Variants in NELL2 observed in about 807,000 individuals in gnomAD.
NELL2 encodes the protein neural EGFL like 2.
NELL2 carries 41 observed loss-of-function variants against 109.6 expected under a neutral mutation model. The observed-to-expected ratio is 0.37, with a 90% CI of 0.29 to 0.49. NELL2 has a LOEUF of 0.49. NELL2 is among the 20% of genes least tolerant of loss of function. The pLI is 0.98. For synonymous variants in NELL2, 355 were observed against 344.7 expected (o/e 1.03, Z -0.33); for missense variants, 900 against 1,008.3 (o/e 0.89, Z 1.45).
chr12:44,917,934 T>C (rs1378842559), upstream of NELL2, among the ~76,000 whole-genome samples: 1 of 152,234 alleles, frequency 6.6e-6, no homozygotes, highest in African/African-American at 2.4e-5. Flanking sequence ...AAGAAATGGA[T>C]TGTGCCATCA....
intron 12 of NELL2, among the ~76,000 whole-genome samples, chr12:44,675,500 G>T (rs1375313325): frequency 6.6e-6 from 1 of 152,042 alleles, no homozygotes; most frequent in Non-Finnish European, 1.5e-5. Flanking sequence ...GTCTATTTTA[G>T]AAACTAGAAT....
At chr12:44,791,192 A>ATATATATATT (rs1942411906) in intron 3 of NELL2, among the ~76,000 whole-genome samples, 1 of 40,786 alleles carries the variant, frequency 2.5e-5, no homozygotes, top group Non-Finnish European at 5.6e-5. Flanking sequence ...TCATATATAT[A>ATATATATATT]TATATATATA....
chr12:44,595,274 C>T (rs1944912119), intron 15 of NELL2, among the ~76,000 whole-genome samples: 1 of 151,976 alleles, frequency 6.6e-6, no homozygotes, highest in Admixed American at 6.6e-5. Context: ...GGAGTTGTCC[C>T]TTTTAAAATA....
intron 1 of NELL2, among the ~76,000 whole-genome samples, chr12:44,882,626 C>A (rs1038784648): frequency 6.6e-6 from 1 of 151,586 alleles, no homozygotes. Flanking sequence ...CTCCCGAGTT[C>A]GAGCAATTCT....
chr12:44,665,598 A>C lies in NELL2; in HGVS notation c.1330T>G (p.Cys444Gly), dbSNP rs1166198187. The stretch of plus-strand genomic sequence containing the variant: ...CGACAGTAATGGCGCCCTTCAGCAC[A>C]CTCATCGATGTCTGTGAAGAAAAAC... Reference protein sequence around the residue: ...DNAYCEDIDECAEGRHYCREN... With the variant: ...DNAYCEDIDEGAEGRHYCREN... Residue 444 changes from cysteine to glycine, a missense_variant, in exon 13 of 20, where the codon TGT (cysteine) becomes GGT (glycine). This residue lies in a region of NELL2 where 292 missense variants were observed against 265.3 expected (regional missense o/e 1.10). Coordinates refer to ENST00000429094, the MANE Select transcript of NELL2 (RefSeq NM_001145108.2). 6.2e-7 allele frequency: 1 copy of C among 1,612,496 alleles called. No individual in the cohort carries two copies. The highest frequency in any genetic ancestry group is 8.5e-7 in the Non-Finnish European group (1 of 1,179,054).
At chr12:44,630,299 T>C (rs1455813335) in intron 13 of NELL2, among the ~76,000 whole-genome samples, 1 of 152,134 alleles carries the variant, frequency 6.6e-6, no homozygotes, top group East Asian at 1.9e-4. Context: ...GTTAACCCCA[T>C]TGTATACTAT....
At chr12:44,538,650 C>A (rs1299544658) in intron 15 of NELL2, among the ~76,000 whole-genome samples, 1 of 152,150 alleles carries the variant, frequency 6.6e-6, no homozygotes, top group African/African-American at 2.4e-5. Flanking sequence ...GGCCATCTCA[C>A]CAGCTTATGA....
intron 15 of NELL2, among the ~76,000 whole-genome samples, chr12:44,539,781 A>G (rs1377789350): frequency 6.6e-6 from 1 of 152,176 alleles, no homozygotes; most frequent in Non-Finnish European, 1.5e-5. Context: ...AAATTGTTAT[A>G]TTTTACACCA....
intron 16 of NELL2, among the ~76,000 whole-genome samples, chr12:44,528,640 A>G (rs1941909463): frequency 6.6e-6 from 1 of 152,254 alleles, no homozygotes; most frequent in Non-Finnish European, 1.5e-5. Context: ...ATAGCTGACA[A>G]GCAAACACAA....
At chr12:44,806,772 A>T (rs1019983538) in intron 3 of NELL2, among the ~76,000 whole-genome samples, 2 of 151,890 alleles carry the variant, frequency 1.3e-5, no homozygotes, top group Non-Finnish European at 2.9e-5. Context: ...TACATTAAAA[A>T]ACTACAATAT....
At chr12:44,595,881 C>T (rs1031213445) in intron 15 of NELL2, among the ~76,000 whole-genome samples, 8 of 152,148 alleles carry the variant, frequency 5.3e-5, no homozygotes, top group Non-Finnish European at 1.2e-4. Context: ...TATATTTTCA[C>T]ACATTTAATC....
intron 2 of NELL2, among the ~76,000 whole-genome samples, chr12:44,842,829 ACACAGAG>A (rs1944268119): frequency 6.6e-6 from 1 of 152,114 alleles, no homozygotes; most frequent in African/African-American, 2.4e-5. Context: ...ACAGACACGC[ACACAGAG>A]GGAAGAGGCC....
chr12:44,608,825 A>G (rs1945501766), intron 14 of NELL2, among the ~76,000 whole-genome samples: 1 of 151,620 alleles, frequency 6.6e-6, no homozygotes, highest in Non-Finnish European at 1.5e-5. Context: ...CCGCTCATGC[A>G]TTGGAAATGC....
chr12:44,713,099 C>A (rs545807261), intron 10 of NELL2, among the ~76,000 whole-genome samples: 13 of 150,596 alleles, frequency 8.6e-5, no homozygotes, highest in African/African-American at 3.2e-4. Context: ...ATTTAAAATC[C>A]AATAGGCAAT....
intron 15 of NELL2, among the ~76,000 whole-genome samples, chr12:44,593,496 T>C (rs1290961042): frequency 6.6e-6 from 1 of 152,218 alleles, no homozygotes; most frequent in Non-Finnish European, 1.5e-5. Context: ...ATTTAATAGC[T>C]ATGTCACCTT....
intron 16 of NELL2, among the ~76,000 whole-genome samples, chr12:44,528,677 A>G (rs769903153): frequency 3.9e-5 from 6 of 152,240 alleles, no homozygotes; most frequent in Admixed American, 1.3e-4. Context: ...CTTACATTCT[A>G]AAGCAGATAA....
chr12:44,861,950 A>C (rs74655807), intron 2 of NELL2, among the ~76,000 whole-genome samples: 6 of 152,240 alleles, frequency 3.9e-5, no homozygotes, highest in Non-Finnish European at 8.8e-5. Context: ...CAACACAAGC[A>C]ACAAGAAACA....
At chr12:44,879,209 A>C, upstream of NELL2, among the ~76,000 whole-genome samples, 1 of 152,206 alleles carries the variant, frequency 6.6e-6, no homozygotes, top group East Asian at 1.9e-4. Context: ...TATCCCTTAG[A>C]GCCTCCAGAA....
chr12:44,700,932 A>G (rs1420610663), intron 12 of NELL2, among the ~76,000 whole-genome samples: 2 of 152,154 alleles, frequency 1.3e-5, no homozygotes, highest in Non-Finnish European at 2.9e-5. Context: ...CAGGAAAACT[A>G]TTAGTAAAAA....
Sources: gnomAD v4.1 joint callset for allele counts (sites outside exome capture counted in the v4.1 genomes callset) on GRCh38, gnomAD v4.1.1 for gene constraint, gnomAD v4.1.1 regional missense constraint, MANE v1.5 for transcripts, NCBI Gene and HGNC (gene_info 2026-07-23, HGNC 2026-07-21) for gene names.